COL7A1: variants seen among roughly 807,000 people sequenced by gnomAD.
The protein encoded by COL7A1 is collagen alpha-1(VII) chain.
A neutral mutation model predicts 456.2 loss-of-function variants in COL7A1; 296 were observed. The ratio of observed to expected loss-of-function variants is 0.65; its 90% CI spans 0.59 to 0.71. COL7A1 has a LOEUF of 0.71. COL7A1 is among the 30% of genes least tolerant of loss of function. COL7A1 has a pLI of 0.00. For missense variants in COL7A1, 3,441 were observed against 4,017.2 expected, an observed-to-expected ratio of 0.86 and a Z score of 3.88; for synonymous variants, 1,464 against 1,525.9, an observed-to-expected ratio of 0.96 and a Z score of 0.95.
In COL7A1 at chr3:48,575,775, G is replaced by T. The variant is rs1192130565; in HGVS notation, c.5857-27C>A. On this transcript the variant is annotated intron_variant, in intron 72 of 118. Transcript: ENST00000681320. The surrounding 1 kb of genome is among the most constrained non-coding windows in gnomAD (Gnocchi z 6.3). The stretch of plus-strand genomic sequence containing the variant: ...TGAGGGACAGCAAGAGGTCAGAGGA[G>T]CGGGGTGCGTCGCCGCAGCCCCTAT... The T allele has an allele frequency of 6.2e-7, 1 of 1,614,044 alleles. No homozygotes were observed.
In COL7A1 at chr3:48,587,867, G is replaced by A; in HGVS notation, c.2783C>T (p.Thr928Ile). The A allele has an allele frequency of 6.2e-7, 1 of 1,612,918 alleles. No homozygotes were observed. Among genetic ancestry groups the A allele is most frequent in the Non-Finnish European group, 8.5e-7 (1 of 1,179,768 alleles). Reference protein sequence around the residue: ...SYHLDGLEPATQYRVRLSVLG... With the variant: ...SYHLDGLEPAIQYRVRLSVLG... ...GACACTCAGCCTCACGCGGTACTGT[G>A]TCGCTGGCTCCAGCCCGTCCAGGTG... The change falls in exon 22 of 119, where the codon ACA becomes ATA. Residue 928 changes from threonine to isoleucine, a missense_variant. Coordinates refer to ENST00000681320, the MANE Select transcript of COL7A1 (RefSeq NM_000094.4). The surrounding 1 kb of genome is among the most constrained non-coding windows in gnomAD (Gnocchi z 6.1).
At position 48,565,660 on chromosome 3, in the gene COL7A1, C is replaced by T. The variant is rs1345025973; in HGVS notation, c.8416G>A (p.Gly2806Ser). 1 of 1,613,518 alleles carries T rather than the reference C, an allele frequency of 6.2e-7. No homozygotes were observed. Among genetic ancestry groups the T allele is most frequent in the Non-Finnish European group, 8.5e-7 (1 of 1,179,806 alleles). The change falls in exon 115 of 119, where the codon GGC becomes AGC. Residue 2806 changes from glycine (G) to serine (S), a missense_variant. By Grantham distance (56) the Gly-to-Ser change is moderately conservative. Coordinates refer to ENST00000681320, the MANE Select transcript of COL7A1 (RefSeq NM_000094.4). The surrounding 1 kb of genome is among the most constrained non-coding windows in gnomAD (Gnocchi z 4.5). ...QEMSQHCACQ[G>S]QFIASGSRPL... ...CGTGATCCAGATGCGATGAACTGGC[C>T]CTGGCAGGCTAGAGGGGGCAGAGAG...
Position 48,569,387 on chromosome 3 carries a change from G to A in COL7A1, c.7674C>T (p.Asp2558=), listed in dbSNP as rs201140493. The change falls in exon 103 of 119, where the codon GAC becomes GAT. Residue 2558 remains aspartate, a synonymous_variant. Transcript: ENST00000681320. This position sits in a 1 kb window ranked among gnomAD's most constrained non-coding sequence, Gnocchi z 4.9. ...CTCTTCCCTGTACCTTGTCACCAGG[G>A]TCCCCATTGTCTCCCCGAGGTCCTT... is the stretch of plus-strand genomic sequence containing the variant. The part of the protein sequence containing the change: ...GDKGPRGDNG[D]PGDKGSKGEP... 1.0e-4 allele frequency: 165 copies of A among 1,613,888 alleles called. 4 individuals carry two copies. In the Middle Eastern group the frequency reaches 1.3e-3, roughly 13 times the overall value.
chr3:48,577,070 T>A (rs2107684513), intron 65 of COL7A1, 43 bp from the exon 66 acceptor site: 1 of 1,613,016 alleles, frequency 6.2e-7, no homozygotes, highest in East Asian at 2.2e-5. Context: ...TTCACTGGTG[T>A]CTGGCTGCAA....
Position 48,579,098 on chromosome 3 carries a change from G to A in COL7A1, c.5388+99C>T. 1 of 1,551,388 alleles carries A rather than the reference G, an allele frequency of 6.4e-7. No homozygotes were observed. Among genetic ancestry groups the A allele is most frequent in the Non-Finnish European group, 8.9e-7 (1 of 1,125,918 alleles). ...CACAGACAACAGGTCTCGCCCCAGA[G>A]CTCGTCAAGGCCAAGACCAACCAAT... On this transcript the variant is annotated intron_variant, in intron 62 of 118. Transcript: ENST00000681320. The surrounding 1 kb of genome is among the most constrained non-coding windows in gnomAD (Gnocchi z 4.4).
At chr3:48,584,989 C>T in intron 33 of COL7A1, 44 bp from the exon 34 acceptor site, 1 of 1,613,674 alleles carries the variant, frequency 6.2e-7, no homozygotes, top group Non-Finnish European at 8.5e-7. Context: ...GCCACCCCAC[C>T]CACTCAGGCA....
Position 48,574,785 on chromosome 3 carries a change from C to T in COL7A1, c.6348+12G>A. On this transcript the variant is annotated intron_variant, in intron 77 of 118. Coordinates refer to ENST00000681320, the MANE Select transcript of COL7A1 (RefSeq NM_000094.4). The surrounding 1 kb of genome is among the most constrained non-coding windows in gnomAD (Gnocchi z 5.0). Reference sequence around the variant, plus strand: ...GGCAGAGGGTGGCCCCGAGCTGATTCCACACACTGACCTTAGCACCCTTGA... The same window carrying T: ...GGCAGAGGGTGGCCCCGAGCTGATTTCACACACTGACCTTAGCACCCTTGA... 1 of 1,613,972 alleles carries T rather than the reference C, an allele frequency of 6.2e-7. No homozygotes were observed. The highest frequency in any genetic ancestry group is 8.5e-7 in the Non-Finnish European group (1 of 1,180,004).
chr3:48,571,174 A>G lies in COL7A1; in HGVS notation c.7105-14T>C, dbSNP rs376232093. The G allele has an allele frequency of 6.2e-7, 1 of 1,613,918 alleles. No individual in the cohort carries two copies. Among genetic ancestry groups the G allele is most frequent in the African/African-American group, 1.3e-5 (1 of 74,880 alleles). On this transcript the variant is annotated splice_polypyrimidine_tract_variant and intron_variant, in intron 93 of 118. Coordinates refer to ENST00000681320, the MANE Select transcript of COL7A1 (RefSeq NM_000094.4). The surrounding 1 kb of genome is among the most constrained non-coding windows in gnomAD (Gnocchi z 4.6). The stretch of plus-strand genomic sequence containing the variant: ...TCCTGGGTCACCCTTTGAGGAAAAG[A>G]GGCATCGGATCAAGCTCAGGGAGTC...
Position 48,567,979 on chromosome 3 carries a change from C to G in COL7A1, c.7876-88G>C. ...CCTGAAACTAACTCTCCAAACAGGC[C>G]TCAGCTACTCCAACCTCTGACCCAG... On this transcript the variant is annotated intron_variant, in intron 106 of 118. Coordinates refer to ENST00000681320, the MANE Select transcript of COL7A1 (RefSeq NM_000094.4). The surrounding 1 kb of genome is among the most constrained non-coding windows in gnomAD (Gnocchi z 4.3). 1 of 1,601,932 alleles carries G rather than the reference C, an allele frequency of 6.2e-7. No individual in the cohort carries two copies. Among genetic ancestry groups the G allele is most frequent in the Non-Finnish European group, 8.6e-7 (1 of 1,169,418 alleles).
At position 48,584,367 on chromosome 3, in the gene COL7A1, A is replaced by AG; in HGVS notation, c.4127dup (p.Gly1377TrpfsTer25). The AG allele has an allele frequency of 6.2e-7, 1 of 1,613,698 alleles. No individual in the cohort carries two copies. Among genetic ancestry groups the AG allele is most frequent in the African/African-American group, 1.3e-5 (1 of 75,006 alleles). ...GGTCCCCCAGTGGTCCACGAGGTCC[A>AG]GGGGGGCCCTGATGGAGGAGACAAA... On this transcript the variant is annotated frameshift_variant, in exon 37 of 119. Transcript: ENST00000681320. LOFTEE classifies it high-confidence loss of function.
Position 48,579,983 on chromosome 3 carries a change from G to T in COL7A1, c.5124+48C>A. On this transcript the variant is annotated intron_variant, in intron 57 of 118. Coordinates refer to ENST00000681320, the MANE Select transcript of COL7A1 (RefSeq NM_000094.4). This position sits in a 1 kb window ranked among gnomAD's most constrained non-coding sequence, Gnocchi z 4.4. ...GAGGGGACATGATGTGGAGCCAAAG[G>T]GGCAAGTGAGAACAATGACAGAGGA... The T allele has an allele frequency of 6.2e-7, 1 of 1,613,716 alleles. No individual in the cohort carries two copies. The highest frequency in any genetic ancestry group is 8.5e-7 in the Non-Finnish European group (1 of 1,179,692).
chr3:48,573,421 G>A lies in COL7A1; in HGVS notation c.6619-73C>T, dbSNP rs2044070544. On this transcript the variant is annotated intron_variant, in intron 83 of 118. Transcript: ENST00000681320. This position sits in a 1 kb window ranked among gnomAD's most constrained non-coding sequence, Gnocchi z 5.5. ...CTCCTGGAGCTCATCCTCATTGCAG[G>A]AGATGACAGCCCAGGAGGTTGGCGC... The A allele has an allele frequency of 5.5e-5, 89 of 1,613,622 alleles. No homozygotes were observed. Among genetic ancestry groups the A allele is most frequent in the Non-Finnish European group, 7.3e-5 (86 of 1,179,728 alleles).
At position 48,572,748 on chromosome 3, in the gene COL7A1, G is replaced by C; in HGVS notation, c.6832-9C>G. 6.2e-7 allele frequency: 1 copy of C among 1,610,568 alleles called. No homozygotes were observed. Among genetic ancestry groups the C allele is most frequent in the South Asian group, 1.1e-5 (1 of 90,618 alleles). ...GGCAGACCTGGTGACCCCTATGGCA[G>C]AGCAGCGTGAGGAACTCAGTGCCTC... On this transcript the variant is annotated splice_polypyrimidine_tract_variant and intron_variant, in intron 87 of 118. Transcript: ENST00000681320. This position sits in a 1 kb window ranked among gnomAD's most constrained non-coding sequence, Gnocchi z 4.6.
In COL7A1 at chr3:48,581,186, C is replaced by T. The variant is rs190526607; in HGVS notation, c.4900-29G>A. 1.3e-3 allele frequency: 2,091 copies of T among 1,613,198 alleles called. 1 individual carries two copies. The highest frequency in any genetic ancestry group is 1.6e-3 in the Non-Finnish European group (1,937 of 1,179,704). On this transcript the variant is annotated intron_variant, in intron 52 of 118. Transcript: ENST00000681320. The surrounding 1 kb of genome is among the most constrained non-coding windows in gnomAD (Gnocchi z 5.8). ...TGAAACATGAGAGTCAGCCCTGGTTCCAAGAACCCCCATGATGCTGGCAAC... is the reference window on the plus strand; with the variant it reads ...TGAAACATGAGAGTCAGCCCTGGTTTCAAGAACCCCCATGATGCTGGCAAC...
In COL7A1 at chr3:48,584,331, A is replaced by C; in HGVS notation, c.4164T>G (p.Arg1388=). The C allele has an allele frequency of 6.2e-7, 1 of 1,612,956 alleles. No individual in the cohort carries two copies. Among genetic ancestry groups the C allele is most frequent in the Non-Finnish European group, 8.5e-7 (1 of 1,179,472 alleles). ...PRGPLGDPGP[R]GPPGLPGTAM... ...CTGTTCCAGGAAGCCCTGGGGGGCCACGGGGTCCTGGGTCCCCCAGTGGTC... is the reference window on the plus strand; with the variant it reads ...CTGTTCCAGGAAGCCCTGGGGGGCCCCGGGGTCCTGGGTCCCCCAGTGGTC... Residue 1388 remains arginine (R), a synonymous_variant, in exon 37 of 119, where the codon CGT becomes CGG. Transcript: ENST00000681320.
chr3:48,571,563 G>C lies in COL7A1; in HGVS notation c.7069-285C>G, dbSNP rs1423801415. On this transcript the variant is annotated intron_variant, in intron 92 of 118. Transcript: ENST00000681320. This position sits in a 1 kb window ranked among gnomAD's most constrained non-coding sequence, Gnocchi z 4.6. ...AGTGCAGACATCTGGCTCCACAGAC[G>C]TGAGTGCGGACACACGGGCGCTCAG... is the stretch of plus-strand genomic sequence containing the variant. The C allele has an allele frequency of 4.4e-6, 3 of 683,970 alleles. No individual in the cohort carries two copies. Among genetic ancestry groups the C allele is most frequent in the Admixed American group, 2.0e-5 (1 of 48,886 alleles). The allele number at this position is 683,970 out of a possible 1,614,324, so 42.4% of individuals were successfully genotyped here.
chr3:48,583,077 G>A lies in COL7A1; in HGVS notation c.4483-29C>T. ...ATGGAAAAGAAGAGGTCAGAGCTGA[G>A]TTGGGCCCAGATCCTCCAGGGCCCT... On this transcript the variant is annotated intron_variant, in intron 43 of 118. Coordinates refer to ENST00000681320, the MANE Select transcript of COL7A1 (RefSeq NM_000094.4). The surrounding 1 kb of genome is among the most constrained non-coding windows in gnomAD (Gnocchi z 5.1). 6.2e-7 allele frequency: 1 copy of A among 1,614,038 alleles called. No individual in the cohort carries two copies.
rs2045415249 is a variant in COL7A1, at chr3:48,588,127, C to T, written c.2710+155G>A. ...TGACCCTCCATGAACTCATTGATCC[C>T]ACCCACTTCATTGATTGATCTTACC... On this transcript the variant is annotated intron_variant, in intron 21 of 118. Transcript: ENST00000681320. The surrounding 1 kb of genome is among the most constrained non-coding windows in gnomAD (Gnocchi z 4.6). Among the ~76,000 whole-genome samples, 1 of 152,104 alleles carries T rather than the reference C, an allele frequency of 6.6e-6. No individual in the cohort carries two copies. The highest frequency in any genetic ancestry group is 2.4e-5 in the African/African-American group (1 of 41,400).
chr3:48,583,259 TC>T lies in COL7A1; in HGVS notation c.4438-89del. On this transcript the variant is annotated intron_variant, in intron 42 of 118. Coordinates refer to ENST00000681320, the MANE Select transcript of COL7A1 (RefSeq NM_000094.4). The surrounding 1 kb of genome is among the most constrained non-coding windows in gnomAD (Gnocchi z 5.1). The stretch of plus-strand genomic sequence containing the variant: ...AAACCCCAGACAAGGGGTCCCAAAC[TC>T]CAACCACCCCCTCCAAAACCACGAC... 6.2e-7 allele frequency: 1 copy of T among 1,602,286 alleles called. No individual in the cohort carries two copies. Among genetic ancestry groups the T allele is most frequent in the South Asian group, 1.1e-5 (1 of 90,218 alleles).
Sources: allele counts gnomAD v4.1 joint callset (sites outside exome capture counted in the v4.1 genomes callset), GRCh38; gene constraint gnomAD v4.1.1; non-coding constraint Gnocchi (gnomAD v3.1); transcripts MANE v1.5; gene names NCBI Gene and HGNC (gene_info 2026-07-23, HGNC 2026-07-21).